The following HHIP variants were observed in gnomAD, a reference collection of about 807,000 sequenced individuals.
HHIP encodes the protein hedgehog interacting protein.
Under a neutral mutation model 74.0 loss-of-function variants are expected in HHIP, and 12 were observed. The observed-to-expected ratio is 0.16, with a 90% CI of 0.10 to 0.26. HHIP has a LOEUF of 0.26. Among genes scored for constraint, HHIP ranks in the 10% least tolerant of loss-of-function variants. The probability of loss-of-function intolerance (pLI) is 1.00; values close to 1 mark genes in which losing one functional copy is unlikely to be tolerated. For missense variants in HHIP, 788 were observed against 845.0 expected (o/e 0.93, Z 0.84); for synonymous variants, 309 against 311.6 (o/e 0.99, Z 0.09).
chr4:144,725,819 C>A (rs1730785796), intron 11 of HHIP, among the ~76,000 whole-genome samples: 1 of 152,078 alleles, frequency 6.6e-6, no homozygotes, highest in African/African-American at 2.4e-5. Context: ...CAGGTGCACA[C>A]TACCAAACCC....
rs200469791 is a variant in HHIP, at chr4:144,658,931, T to C, written c.614T>C (p.Val205Ala). 5.0e-6 allele frequency: 8 copies of C among 1,611,548 alleles called. No homozygotes were observed. In the African/African-American group the frequency reaches 9.4e-5, roughly 19 times the overall value. ...GACCAGATGGAAGAATATGACAAAGTGGAAGAGATCAGCAGGTTCATAAAG... is the reference window on the plus strand; with the variant it reads ...GACCAGATGGAAGAATATGACAAAGCGGAAGAGATCAGCAGGTTCATAAAG... ...YLDQMEEYDKVEEISRKHKHN... is the reference protein window; with the variant it reads ...YLDQMEEYDKAEEISRKHKHN... The change falls in exon 3 of 13, where the codon GTG (valine) becomes GCG (alanine). Residue 205 changes from valine (V) to alanine (A), a missense_variant. Val to Ala is a moderately conservative substitution (Grantham distance 64). Coordinates refer to ENST00000296575, the MANE Select transcript of HHIP (RefSeq NM_022475.3).
intron 4 of HHIP, among the ~76,000 whole-genome samples, chr4:144,700,597 G>T (rs1241140715): frequency 6.6e-6 from 1 of 152,166 alleles, no homozygotes; most frequent in Non-Finnish European, 1.5e-5. Context: ...AGGTCAGAGT[G>T]ATGTGATATG....
At chr4:144,705,434 C>T (rs568294139) in intron 4 of HHIP, among the ~76,000 whole-genome samples, 128 of 152,140 alleles carry the variant, frequency 8.4e-4, no homozygotes, top group African/African-American at 3.0e-3. Flanking sequence ...TTGCCATACG[C>T]TATGTCGTGA....
intron 4 of HHIP, among the ~76,000 whole-genome samples, chr4:144,691,427 G>T (rs1276548702): frequency 1.3e-5 from 2 of 152,156 alleles, no homozygotes; most frequent in African/African-American, 4.8e-5. Flanking sequence ...AAAGAGAAGA[G>T]CAAGGCAATT....
intron 4 of HHIP, among the ~76,000 whole-genome samples, chr4:144,691,797 C>T (rs1729678984): frequency 6.6e-6 from 1 of 151,800 alleles, no homozygotes; most frequent in South Asian, 2.1e-4. Flanking sequence ...CCTCCAAAGC[C>T]CTCACTCTAA....
At chr4:144,651,526 T>A (rs964385696) in intron 1 of HHIP, among the ~76,000 whole-genome samples, 4 of 152,060 alleles carry the variant, frequency 2.6e-5, no homozygotes, top group African/African-American at 7.2e-5. Flanking sequence ...CTCTAGAATT[T>A]AAAATGCTAA....
chr4:144,710,463 T>C (rs1730263241), intron 7 of HHIP, among the ~76,000 whole-genome samples: 1 of 152,168 alleles, frequency 6.6e-6, no homozygotes, highest in African/African-American at 2.4e-5. Context: ...GCCAAGAGTT[T>C]ATGTTTTGTT....
At chr4:144,703,510 G>A (rs1455228432) in intron 4 of HHIP, among the ~76,000 whole-genome samples, 1 of 152,214 alleles carries the variant, frequency 6.6e-6, no homozygotes, top group Non-Finnish European at 1.5e-5. Flanking sequence ...AAGGAGAGCA[G>A]TTAGTAACAT....
intron 4 of HHIP, among the ~76,000 whole-genome samples, chr4:144,661,763 A>G (rs1256052003): frequency 6.6e-6 from 1 of 152,216 alleles, no homozygotes; most frequent in Non-Finnish European, 1.5e-5. Flanking sequence ...CTTCTTTAAT[A>G]TATGAAAGTT....
At chr4:144,677,472 CAG>C (rs1303104816) in intron 4 of HHIP, among the ~76,000 whole-genome samples, 10 of 152,162 alleles carry the variant, frequency 6.6e-5, no homozygotes, top group African/African-American at 2.4e-4. Context: ...AGTCTCATAA[CAG>C]ATGCCACTGG....
At chr4:144,707,428 A>G (rs1730176572) in intron 6 of HHIP, among the ~76,000 whole-genome samples, 168 bp downstream of exon 6, 1 of 152,132 alleles carries the variant, frequency 6.6e-6, no homozygotes, top group South Asian at 2.1e-4. Flanking sequence ...GGAATTCACT[A>G]ATATGCTACG....
chr4:144,712,824 C>T (rs1730341319), intron 8 of HHIP, among the ~76,000 whole-genome samples: 1 of 151,720 alleles, frequency 6.6e-6, no homozygotes, highest in Non-Finnish European at 1.5e-5. Context: ...ATTTATTTAA[C>T]ACCAGGAATG....
intron 11 of HHIP, among the ~76,000 whole-genome samples, chr4:144,728,639 C>T (rs1330763976): frequency 1.3e-5 from 2 of 151,940 alleles, no homozygotes; most frequent in Non-Finnish European, 2.9e-5. Context: ...GGAAGGTATT[C>T]CTTAAAAATA....
chr4:144,694,077 T>C (rs1729750131), intron 4 of HHIP, among the ~76,000 whole-genome samples: 1 of 151,962 alleles, frequency 6.6e-6, no homozygotes, highest in South Asian at 2.1e-4. Flanking sequence ...TTTGATCATT[T>C]TGTAAAATAG....
chr4:144,736,960 ATG>A (rs1731137086), intron 12 of HHIP, among the ~76,000 whole-genome samples: 1 of 152,212 alleles, frequency 6.6e-6, no homozygotes, highest in Non-Finnish European at 1.5e-5. Context: ...ACATAAGGAA[ATG>A]TATTGAAGGA....
In HHIP at chr4:144,715,336, G is replaced by A. The variant is rs770124865; in HGVS notation, c.1584G>A (p.Lys528=). ...CTCTCCAGCAAAGTCCTGTGACAAAGCAGTGGCAAGAAAAACCACTCTGTC... is the reference window on the plus strand; with the variant it reads ...CTCTCCAGCAAAGTCCTGTGACAAAACAGTGGCAAGAAAAACCACTCTGTC... ...FLTLQQSPVT[K]QWQEKPLCLG... Residue 528 remains lysine (K), a synonymous_variant, in exon 10 of 13, where the codon AAG becomes AAA. Coordinates refer to ENST00000296575, the MANE Select transcript of HHIP (RefSeq NM_022475.3). The A allele has an allele frequency of 1.9e-6, 3 of 1,613,392 alleles. No homozygotes were observed. The South Asian group carries it at 3.3e-5, about 18-fold the overall frequency.
chr4:144,652,800 A>G lies in HHIP; in HGVS notation c.472+3A>G, dbSNP rs1728459887. 1.3e-6 allele frequency: 2 copies of G among 1,556,364 alleles called. No homozygotes were observed. The highest frequency in any genetic ancestry group is 1.7e-6 in the Non-Finnish European group (2 of 1,151,468). The stretch of plus-strand genomic sequence containing the variant: ...CACTTGCCGAGGCCATATTCCAGGT[A>G]AGAAAAAAAAATGCATAAGTAAAAT... On this transcript the variant is annotated splice_donor_region_variant and intron_variant, in intron 2 of 12. Coordinates refer to ENST00000296575, the MANE Select transcript of HHIP (RefSeq NM_022475.3).
At chr4:144,695,009 C>T (rs1464627976) in intron 4 of HHIP, among the ~76,000 whole-genome samples, 1 of 151,638 alleles carries the variant, frequency 6.6e-6, no homozygotes, top group African/African-American at 2.4e-5. Context: ...TAGACCAAGT[C>T]ATTCTAAAAA....
chr4:144,648,461 G>A (rs1377322709), intron 1 of HHIP: 3 of 152,178 alleles, frequency 2.0e-5, no homozygotes, highest in Non-Finnish European at 4.4e-5. Context: ...CTTACCATAT[G>A]CAGCAGGAGC....
Sources: gnomAD v4.1 joint callset for allele counts (sites outside exome capture counted in the v4.1 genomes callset) on GRCh38, gnomAD v4.1.1 for gene constraint, MANE v1.5 for transcripts, NCBI Gene and HGNC (gene_info 2026-07-23, HGNC 2026-07-21) for gene names.